Variants in ALK observed in about 807,000 individuals in gnomAD.
ALK encodes ALK tyrosine kinase receptor.
In ALK, 74 loss-of-function variants were observed where a neutral mutation model predicts 163.1. The ratio of observed to expected loss-of-function variants is 0.45; its 90% CI spans 0.38 to 0.55. The LOEUF is 0.55. Among genes scored for constraint, ALK ranks in the 20% least tolerant of loss-of-function variants. ALK has a pLI of 0.00. For missense variants in ALK, 2,063 were observed against 2,105.3 expected (o/e 0.98, Z 0.39); for synonymous variants, 960 against 843.2 (o/e 1.14, Z -2.40).
At chr2:29,667,470 T>C (rs1423885830) in intron 3 of ALK, among the ~76,000 whole-genome samples, 1 of 152,040 alleles carries the variant, frequency 6.6e-6, no homozygotes, top group Non-Finnish European at 1.5e-5. Context: ...ATGGCATTTG[T>C]TATTTTGCAG....
chr2:29,349,840 C>A (rs535661286), intron 5 of ALK, among the ~76,000 whole-genome samples: 1 of 152,292 alleles, frequency 6.6e-6, no homozygotes, highest in East Asian at 1.9e-4. Context: ...GGGGAAGACT[C>A]CAAACTGGAT....
At chr2:29,258,414 T>C (rs996148520) in intron 11 of ALK, among the ~76,000 whole-genome samples, 3 of 152,264 alleles carry the variant, frequency 2.0e-5, no homozygotes, top group Admixed American at 2.0e-4. Flanking sequence ...TCTACTTATT[T>C]ACCTCTTTCC....
At chr2:29,546,337 T>C (rs1045315861) in intron 3 of ALK, among the ~76,000 whole-genome samples, 1 of 152,020 alleles carries the variant, frequency 6.6e-6, no homozygotes, top group Admixed American at 6.5e-5. Context: ...GCAAAGCAAA[T>C]AAATAGAAAG....
At chr2:29,235,995 A>G (rs886344864) in intron 13 of ALK, among the ~76,000 whole-genome samples, 2 of 145,358 alleles carry the variant, frequency 1.4e-5, no homozygotes, top group South Asian at 4.3e-4. Flanking sequence ...GGTACGAAAT[A>G]CCATGCTTGA....
At chr2:29,288,961 AATAAATAAAT>A (rs1665939766) in intron 9 of ALK, among the ~76,000 whole-genome samples, 3 of 117,020 alleles carry the variant, frequency 2.6e-5, no homozygotes, top group African/African-American at 1.1e-4. Context: ...CAAAAAAATA[AATAAATAAAT>A]AAATAAATAA....
rs761628666 is a variant in ALK, at chr2:29,193,569, C to T, written c.4518G>A (p.Thr1506=). The change falls in exon 29 of 29, where the codon ACG becomes ACA. Residue 1506 remains threonine, a synonymous_variant. Coordinates refer to ENST00000389048, the MANE Select transcript of ALK (RefSeq NM_004304.5). The part of the protein sequence containing the change: ...RNKPTSLWNP[T]YGSWFTEKPT... ...GTTTCTCTGTAAACCAGGAGCCGTA[C>T]GTTGGGTTCCACAAGCTGGTGGGCT... The T allele has an allele frequency of 3.1e-6, 5 of 1,614,204 alleles. No homozygotes were observed. The highest frequency in any genetic ancestry group is 4.2e-6 in the Non-Finnish European group (5 of 1,180,028).
At chr2:29,411,988 T>C (rs1014732982) in intron 4 of ALK, among the ~76,000 whole-genome samples, 1 of 152,224 alleles carries the variant, frequency 6.6e-6, no homozygotes, top group Non-Finnish European at 1.5e-5. Flanking sequence ...TTAGATGTTG[T>C]AATCCTTCCA....
intron 25 of ALK, among the ~76,000 whole-genome samples, 187 bp from the exon 26 acceptor site, chr2:29,207,459 T>A (rs542618970): frequency 6.6e-6 from 1 of 152,320 alleles, no homozygotes; most frequent in African/African-American, 2.4e-5. Flanking sequence ...AACTTTGGTG[T>A]CATTTAATAG....
intron 9 of ALK, chr2:29,286,927 C>T (rs919576013): frequency 6.9e-6 from 1 of 145,428 alleles, no homozygotes; most frequent in African/African-American, 2.6e-5. Context: ...CACACCATCT[C>T]ATTTTTTTTT....
chr2:29,434,416 T>G (rs200151369), intron 4 of ALK, among the ~76,000 whole-genome samples: 1 of 152,216 alleles, frequency 6.6e-6, no homozygotes, highest in East Asian at 1.9e-4. Flanking sequence ...AAATTCATAT[T>G]GATTGTTCTC....
At chr2:29,591,685 C>T (rs111646461) in intron 3 of ALK, among the ~76,000 whole-genome samples, 1,926 of 151,984 alleles carry the variant, frequency 0.013, 22 homozygotes, top group South Asian at 0.045. Flanking sequence ...GGGCTAACAA[C>T]GAGAGAGAAA....
intron 8 of ALK, among the ~76,000 whole-genome samples, chr2:29,317,119 T>G (rs548303810): frequency 6.6e-6 from 1 of 152,366 alleles, no homozygotes; most frequent in East Asian, 1.9e-4. Context: ...GGGGCAATCC[T>G]GTTGTCTGTC....
intron 1 of ALK, among the ~76,000 whole-genome samples, chr2:29,862,636 T>G (rs1446117017): frequency 2.0e-5 from 3 of 151,964 alleles, no homozygotes; most frequent in Admixed American, 1.3e-4. Flanking sequence ...ACAAATAAAT[T>G]TTAAAATATC....
intron 3 of ALK, among the ~76,000 whole-genome samples, chr2:29,586,675 T>C (rs1192619892): frequency 6.6e-6 from 1 of 152,178 alleles, no homozygotes; most frequent in Non-Finnish European, 1.5e-5. Context: ...CTAGAGAAAG[T>C]AAAGTAGGCG....
At chr2:29,658,792 A>G (rs1234264560) in intron 3 of ALK, among the ~76,000 whole-genome samples, 1 of 152,204 alleles carries the variant, frequency 6.6e-6, no homozygotes, top group Non-Finnish European at 1.5e-5. Flanking sequence ...ATACACATAT[A>G]TAATATTTAT....
chr2:29,483,982 G>C (rs192054965), intron 4 of ALK, among the ~76,000 whole-genome samples: 2 of 152,204 alleles, frequency 1.3e-5, no homozygotes, highest in South Asian at 2.1e-4. Flanking sequence ...AGGAGCAAAG[G>C]CATGTCTTAC....
At chr2:29,433,370 G>A (rs545712138) in intron 4 of ALK, among the ~76,000 whole-genome samples, 1 of 152,250 alleles carries the variant, frequency 6.6e-6, no homozygotes, top group East Asian at 1.9e-4. Flanking sequence ...CACACTTTAG[G>A]TGGCAAGTTT....
chr2:29,516,823 T>C (rs1464190755), intron 4 of ALK, among the ~76,000 whole-genome samples: 1 of 152,218 alleles, frequency 6.6e-6, no homozygotes, highest in Non-Finnish European at 1.5e-5. Context: ...GTGGTAGCTG[T>C]TGTTATTTGA....
chr2:29,567,137 T>C (rs769284344), intron 3 of ALK, among the ~76,000 whole-genome samples: 6 of 152,224 alleles, frequency 3.9e-5, no homozygotes, highest in Non-Finnish European at 8.8e-5. Context: ...GAAGTCACAG[T>C]GCAGGAGGGA....
Sources: allele counts gnomAD v4.1 joint callset (sites outside exome capture counted in the v4.1 genomes callset), GRCh38; gene constraint gnomAD v4.1.1; transcripts MANE v1.5; gene names NCBI Gene and HGNC (gene_info 2026-07-23, HGNC 2026-07-21).